Variants in RRP1 observed in about 807,000 individuals in gnomAD.
RRP1 encodes ribosomal RNA processing 1, also known as ribosomal RNA processing protein 1 homolog A.
Under a neutral mutation model 54.6 loss-of-function variants are expected in RRP1, and 37 were observed. The observed-to-expected ratio is 0.68, with a 90% CI of 0.52 to 0.89. The LOEUF (loss-of-function observed/expected upper bound fraction) is 0.89. Ranked by LOEUF, RRP1 falls within the 40% of genes least tolerant of loss-of-function variation. The pLI is 0.00. For missense variants in RRP1, 639 were observed against 612.5 expected (o/e 1.04, Z -0.46); for synonymous variants, 262 against 244.3 (o/e 1.07, Z -0.67).
chr21:43,804,578 T>A lies in RRP1; in HGVS notation c.*804T>A, dbSNP rs2085126321. 1 of 152,308 alleles carries A rather than the reference T, an allele frequency of 6.6e-6. No homozygotes were observed. Among genetic ancestry groups the A allele is most frequent in the Non-Finnish European group, 1.5e-5 (1 of 68,088 alleles). The allele number at this position is 152,308 out of a possible 1,614,324, so 9.4% of individuals were successfully genotyped here. A position where few individuals can be genotyped will look rare whatever the true frequency, so the allele number is the denominator to read the frequency against. On this transcript the variant is annotated 3_prime_UTR_variant, in exon 13 of 13. Transcript: ENST00000497547. This position sits in a 1 kb window ranked among gnomAD's most constrained non-coding sequence, Gnocchi z 4.3. ...TGACAGTAGCCCAGGGCTTTCCACC[T>A]GCATGGAACAAGGGCCTGTCTGCCG...
intron 9 of RRP1, 58 bp from the exon 10 acceptor site, chr21:43,800,459 C>A (rs2123419864): frequency 6.4e-7 from 1 of 1,551,828 alleles, no homozygotes; most frequent in Non-Finnish European, 8.9e-7. Context: ...GTTCCACGTT[C>A]TCGGAGCACG....
chr21:43,799,487 CG>C (rs59209681), intron 8 of RRP1, 82 bp from the exon 9 acceptor site: 1,596 of 1,336,430 alleles, frequency 1.2e-3, no homozygotes, highest in African/African-American at 1.9e-3. Context: ...CCAGGGTGCA[CG>C]GAGCGGGCTC....
intron 8 of RRP1, among the ~76,000 whole-genome samples, chr21:43,798,818 C>T (rs1257091046): frequency 1.3e-5 from 2 of 152,152 alleles, no homozygotes; most frequent in Admixed American, 1.3e-4. Flanking sequence ...CTGTGGAGGG[C>T]ATGTCTTTGA....
chr21:43,803,244 C>A (rs1321274438), intron 12 of RRP1, among the ~76,000 whole-genome samples: 2 of 152,222 alleles, frequency 1.3e-5, no homozygotes, highest in Non-Finnish European at 2.9e-5. Flanking sequence ...TGCCTTGAGC[C>A]CAGTCCTGCC....
chr21:43,799,643 T>C lies in RRP1; in HGVS notation c.885T>C (p.Val295=), dbSNP rs4566449. ...ACGACAGGGACAGTGGCGGCCCCGTTCTCCAGGTGGGTTCCCTGGGCTCAT... is the reference window on the plus strand; with the variant it reads ...ACGACAGGGACAGTGGCGGCCCCGTCCTCCAGGTGGGTTCCCTGGGCTCAT... The part of the protein sequence containing the change: ...AGDDRDSGGP[V]LQFDYEAVAN... The change falls in exon 9 of 13, where the codon GTT becomes GTC. Residue 295 remains valine (V), a synonymous_variant. Coordinates refer to ENST00000497547, the MANE Select transcript of RRP1 (RefSeq NM_003683.6). The C allele has an allele frequency of 0.26, 414,397 of 1,607,658 alleles. 57,051 individuals carry two copies. The highest frequency in any genetic ancestry group is 0.43 in the South Asian group (38,592 of 89,620).
intron 9 of RRP1, 144 bp downstream of exon 9, chr21:43,799,793 A>T: frequency 1.6e-6 from 1 of 624,218 alleles, no homozygotes; most frequent in South Asian, 1.7e-5. Flanking sequence ...GCTTTGAAGG[A>T]GGGATGGGTG....
chr21:43,798,219 C>A (rs761624784), intron 8 of RRP1, 119 bp downstream of exon 8: 1 of 810,958 alleles, frequency 1.2e-6, no homozygotes, highest in Non-Finnish European at 1.9e-6. Context: ...TGCCCCTCTC[C>A]ACAGTCCATC....
In RRP1 at chr21:43,804,087, G is replaced by A. The variant is rs528124992; in HGVS notation, c.*313G>A. On this transcript the variant is annotated 3_prime_UTR_variant, in exon 13 of 13. Coordinates refer to ENST00000497547, the MANE Select transcript of RRP1 (RefSeq NM_003683.6). The surrounding 1 kb of genome is among the most constrained non-coding windows in gnomAD (Gnocchi z 4.3). ...GGGGGTTCAGAAAATAAAATGCCGCGCAGCCCTTGCCAGGGGAAGTGTCGC... is the reference window on the plus strand; with the variant it reads ...GGGGGTTCAGAAAATAAAATGCCGCACAGCCCTTGCCAGGGGAAGTGTCGC... 2.6e-4 allele frequency: 55 copies of A among 211,594 alleles called. No homozygotes were observed. In the South Asian group the frequency reaches 4.8e-3, roughly 18 times the overall value. 13.1% of individuals were successfully genotyped at this position (211,594 alleles called of 1,614,324 possible). A position where few individuals can be genotyped will look rare whatever the true frequency, so the allele number is the denominator to read the frequency against.
intron 11 of RRP1, among the ~76,000 whole-genome samples, chr21:43,801,156 C>T (rs111742469): frequency 9.2e-5 from 14 of 152,298 alleles, no homozygotes; most frequent in Non-Finnish European, 1.5e-4. Context: ...GCACTGACCG[C>T]GGTGCTGCTG....
chr21:43,804,064 G>A lies in RRP1; in HGVS notation c.*290G>A, dbSNP rs1052216825. ...CAGGACTGGCCGCCCCTGCTGTGGG[G>A]GGTTCAGAAAATAAAATGCCGCGCA... On this transcript the variant is annotated 3_prime_UTR_variant, in exon 13 of 13. Transcript: ENST00000497547. The surrounding 1 kb of genome is among the most constrained non-coding windows in gnomAD (Gnocchi z 4.3). 1.3e-5 allele frequency: 5 copies of A among 388,454 alleles called. No homozygotes were observed. In the Admixed American group the frequency reaches 2.3e-4, roughly 18 times the overall value. The allele number at this position is 388,454 out of a possible 1,614,324, so 24.1% of individuals were successfully genotyped here. A position where few individuals can be genotyped will look rare whatever the true frequency, so the allele number is the denominator to read the frequency against.
At chr21:43,791,168 C>T (rs995783323) in intron 1 of RRP1, 182 bp from the exon 2 acceptor site, 2 of 668,562 alleles carry the variant, frequency 3.0e-6, no homozygotes, top group East Asian at 2.8e-5. Flanking sequence ...CGCATAGCCA[C>T]AGGCGCGGCA....
At chr21:43,800,442 C>A in intron 9 of RRP1, 75 bp from the exon 10 acceptor site, 1 of 1,409,724 alleles carries the variant, frequency 7.1e-7, no homozygotes, top group South Asian at 1.2e-5. Flanking sequence ...CTATCTGGGT[C>A]TCAGGGGTTC....
In RRP1 at chr21:43,804,118, G is replaced by A. The variant is rs1436967624; in HGVS notation, c.*344G>A. ...CTTGCCAGGGGAAGTGTCGCTTCAG[G>A]TGTGTCCTACGGACGTGTGGGAGGT... On this transcript the variant is annotated 3_prime_UTR_variant, in exon 13 of 13. Coordinates refer to ENST00000497547, the MANE Select transcript of RRP1 (RefSeq NM_003683.6). The surrounding 1 kb of genome is among the most constrained non-coding windows in gnomAD (Gnocchi z 4.3). 1 of 282,532 alleles carries A rather than the reference G, an allele frequency of 3.5e-6. No individual in the cohort carries two copies. The highest frequency in any genetic ancestry group is 6.6e-6 in the Non-Finnish European group (1 of 151,094). The allele number at this position is 282,532 out of a possible 1,614,324, so 17.5% of individuals were successfully genotyped here. A position where few individuals can be genotyped will look rare whatever the true frequency, so the allele number is the denominator to read the frequency against.
rs1375497757 is a variant in RRP1, at chr21:43,802,381, G to A, written c.1117G>A (p.Glu373Lys). ...KQKRLLRLQQ[E>K]RGKGEKEPPS... Reference sequence around the variant, plus strand: ...GAAGCGTCTGCTCAGGTTGCAGCAGGAGAGAGGTAGGACTAGGGGGTGTGT... The same window carrying A: ...GAAGCGTCTGCTCAGGTTGCAGCAGAAGAGAGGTAGGACTAGGGGGTGTGT... Residue 373 changes from glutamate to lysine, a missense_variant, in exon 12 of 13, where the codon GAG (glutamate) becomes AAG (lysine). Transcript: ENST00000497547. 4 of 1,613,716 alleles carry A rather than the reference G, an allele frequency of 2.5e-6. No individual in the cohort carries two copies. The highest frequency in any genetic ancestry group is 3.4e-6 in the Non-Finnish European group (4 of 1,179,800).
intron 9 of RRP1, 100 bp downstream of exon 9, chr21:43,799,749 C>A: frequency 8.6e-7 from 1 of 1,162,210 alleles, no homozygotes; most frequent in Non-Finnish European, 1.2e-6. Context: ...AGGATGGCAG[C>A]TGTTGGCATG....
At chr21:43,797,251 C>A in intron 5 of RRP1, 171 bp from the exon 6 acceptor site, 1 of 1,132,082 alleles carries the variant, frequency 8.8e-7, no homozygotes. Flanking sequence ...TGGAGGAGAC[C>A]TAGGATCGTT....
At chr21:43,792,297 T>C (rs1436864034) in intron 2 of RRP1, among the ~76,000 whole-genome samples, 1 of 152,204 alleles carries the variant, frequency 6.6e-6, no homozygotes, top group East Asian at 1.9e-4. Context: ...CGCAGCCCTC[T>C]TCCTCCTGAT....
chr21:43,805,105 C>T lies in RRP1; in HGVS notation c.*1331C>T, dbSNP rs2085130537. On this transcript the variant is annotated 3_prime_UTR_variant, in exon 13 of 13. Coordinates refer to ENST00000497547, the MANE Select transcript of RRP1 (RefSeq NM_003683.6). ...CCAGACTGACCAACATGGAGAAACC[C>T]CATCTCTACTAAAATACAAAATTAG... 1 of 152,192 alleles carries T rather than the reference C, an allele frequency of 6.6e-6. No individual in the cohort carries two copies. The highest frequency in any genetic ancestry group is 1.5e-5 in the Non-Finnish European group (1 of 68,088). The allele number at this position is 152,192 out of a possible 1,614,324, so 9.4% of individuals were successfully genotyped here. A position where few individuals can be genotyped will look rare whatever the true frequency, so the allele number is the denominator to read the frequency against.
In RRP1 at chr21:43,803,482, C is replaced by G. The variant is rs559290646; in HGVS notation, c.1124-30C>G. On this transcript the variant is annotated intron_variant, in intron 12 of 12. Transcript: ENST00000497547. ...TGGAAAGAGCCCGTGTTGGCATTCT[C>G]TGGCTCATGGGGTCTTGCTGTTTTG... is the stretch of plus-strand genomic sequence containing the variant. 1.1e-5 allele frequency: 17 copies of G among 1,519,888 alleles called. No homozygotes were observed. The African/African-American group carries it at 1.5e-4, about 14-fold the overall frequency. The allele number at this position is 1,519,888 out of a possible 1,614,324, so 94.2% of individuals were successfully genotyped here.
Sources: gnomAD v4.1 joint callset for allele counts (sites outside exome capture counted in the v4.1 genomes callset) on GRCh38, gnomAD v4.1.1 for gene constraint, Gnocchi (gnomAD v3.1) non-coding constraint, MANE v1.5 for transcripts, NCBI Gene and HGNC (gene_info 2026-07-23, HGNC 2026-07-21) for gene names.